The following TLK1 variants were observed in gnomAD, a reference collection of about 807,000 sequenced individuals.
TLK1 encodes tousled like kinase 1.
In TLK1, 24 loss-of-function variants were observed where a neutral mutation model predicts 105.3. That is an observed-to-expected ratio of 0.23 (90% CI 0.17 to 0.32). The LOEUF is 0.32. Ranked by LOEUF, TLK1 falls within the 10% of genes least tolerant of loss-of-function variation. TLK1 has a pLI of 1.00. For missense variants in TLK1, 558 were observed against 910.5 expected (o/e 0.61, Z 4.98); for synonymous variants, 321 against 310.4 (o/e 1.03, Z -0.36).
At chr2:171,051,061 G>A (rs2676131) in intron 8 of TLK1, among the ~76,000 whole-genome samples, 93,521 of 152,000 alleles carry the variant, frequency 0.62, 29,679 homozygotes, top group East Asian at 0.95. Context: ...ACCCAACACA[G>A]TTGTTTTTCA....
intron 1 of TLK1, among the ~76,000 whole-genome samples, chr2:171,187,432 A>G (rs1236787327): frequency 6.6e-6 from 1 of 152,216 alleles, no homozygotes; most frequent in Non-Finnish European, 1.5e-5. Context: ...TTAACATTCT[A>G]TGACTCAATA....
chr2:171,078,495 G>A (rs564209261), intron 3 of TLK1, among the ~76,000 whole-genome samples: 6 of 151,860 alleles, frequency 4.0e-5, no homozygotes, highest in Admixed American at 2.0e-4. Context: ...CTGAGATCAC[G>A]CCACTGCACT....
chr2:171,168,910 G>C (rs951744076), intron 1 of TLK1, among the ~76,000 whole-genome samples: 1 of 151,978 alleles, frequency 6.6e-6, no homozygotes, highest in African/African-American at 2.4e-5. Context: ...GTGAAACCTC[G>C]TCTCTGCAAC....
chr2:171,128,998 G>A (rs547677455), intron 1 of TLK1, among the ~76,000 whole-genome samples: 13 of 152,236 alleles, frequency 8.5e-5, no homozygotes, highest in East Asian at 1.9e-4. Flanking sequence ...GTGTGTGCAC[G>A]TGTCCGTGTC....
At chr2:171,098,649 G>A (rs773029080) in intron 2 of TLK1, among the ~76,000 whole-genome samples, 8 of 152,014 alleles carry the variant, frequency 5.3e-5, no homozygotes, top group Non-Finnish European at 1.0e-4. Flanking sequence ...ACCTGATAGT[G>A]AAACCAGATA....
At position 171,009,428 on chromosome 2, in the gene TLK1, C is replaced by T. The variant is rs528137111; in HGVS notation, c.1416+1945G>A. Among the ~76,000 whole-genome samples, 6 of 151,202 alleles carry T rather than the reference C, an allele frequency of 4.0e-5. No homozygotes were observed. The South Asian group carries it at 1.3e-3, about 32-fold the overall frequency. On this transcript the variant is annotated intron_variant, in intron 14 of 20. Transcript: ENST00000431350. ...CAAGCGATTATCATGCCTCAGCCTC[C>T]GAGTAGCTGGAACTACAGGCATGTG... is the stretch of plus-strand genomic sequence containing the variant.
intron 2 of TLK1, among the ~76,000 whole-genome samples, chr2:171,083,177 A>G (rs1281192658): frequency 6.6e-6 from 1 of 152,162 alleles, no homozygotes; most frequent in Non-Finnish European, 1.5e-5. Flanking sequence ...TTATTACTCA[A>G]TGTATTAAAA....
rs551167937 is a variant in TLK1 at position 171,067,408 on chromosome 2, G to A, written c.331-6252C>T. Among the ~76,000 whole-genome samples the A allele has an allele frequency of 1.6e-4, 24 of 151,778 alleles. No homozygotes were observed. In the East Asian group the frequency reaches 3.5e-3, roughly 22 times the overall value. On this transcript the variant is annotated intron_variant, in intron 3 of 20. Coordinates refer to ENST00000431350, the MANE Select transcript of TLK1 (RefSeq NM_012290.5). The stretch of plus-strand genomic sequence containing the variant: ...GATCTCTTGACCTTGTGATCCACCC[G>A]CCTCGGCCTCCCAAAGTGCTGGGAC...
intron 2 of TLK1, among the ~76,000 whole-genome samples, chr2:171,116,384 C>A (rs534813123): frequency 6.6e-6 from 1 of 152,224 alleles, no homozygotes; most frequent in Admixed American, 6.5e-5. Context: ...AGACTCCCAA[C>A]AACCTAACAA....
chr2:171,047,462 T>C (rs1362167410), intron 10 of TLK1, among the ~76,000 whole-genome samples: 4 of 152,150 alleles, frequency 2.6e-5, no homozygotes, highest in African/African-American at 9.7e-5. Flanking sequence ...GAATTGACCT[T>C]ACACACATCC....
At chr2:171,180,880 T>C (rs59083018) in intron 1 of TLK1, among the ~76,000 whole-genome samples, 6,762 of 151,722 alleles carry the variant, frequency 0.045, 442 homozygotes, top group East Asian at 0.29. Flanking sequence ...GAAGATGACT[T>C]TTCATGAGAA....
chr2:171,151,631 C>A (rs1212830758), intron 1 of TLK1, among the ~76,000 whole-genome samples: 5 of 151,782 alleles, frequency 3.3e-5, no homozygotes, highest in Non-Finnish European at 7.4e-5. Flanking sequence ...CCCACCACCA[C>A]GCCCAGCTAA....
At chr2:171,148,630 C>G (rs1267738769) in intron 1 of TLK1, among the ~76,000 whole-genome samples, 1 of 152,000 alleles carries the variant, frequency 6.6e-6, no homozygotes, top group Admixed American at 6.6e-5. Flanking sequence ...CACCTGGAAT[C>G]CCAGCACTTT....
intron 3 of TLK1, among the ~76,000 whole-genome samples, chr2:171,076,995 G>A (rs1266584118): frequency 1.3e-5 from 2 of 151,988 alleles, no homozygotes; most frequent in African/African-American, 4.8e-5. Context: ...AAATAATGTG[G>A]GCTGTTAGCC....
intron 1 of TLK1, among the ~76,000 whole-genome samples, chr2:171,182,935 A>AAAAAGGAAG (rs1553487148): frequency 1.6e-5 from 2 of 128,780 alleles, no homozygotes; most frequent in African/African-American, 7.3e-5. Context: ...AAAAAAAAAA[A>AAAAAGGAAG]AAAGAAAGAA....
intron 1 of TLK1, among the ~76,000 whole-genome samples, chr2:171,196,037 C>CAA (rs71013021): frequency 0.76 from 85,094 of 111,878 alleles, 34,073 homozygotes; most frequent in East Asian, 0.97. Flanking sequence ...GACTCTGTAT[C>CAA]AAAAAAAAAA....
At chr2:171,145,713 T>C (rs565585566) in intron 1 of TLK1, among the ~76,000 whole-genome samples, 2 of 152,294 alleles carry the variant, frequency 1.3e-5, no homozygotes, top group South Asian at 4.1e-4. Flanking sequence ...AAGTATAAAA[T>C]GTAGTACATT....
At chr2:171,182,173 CT>C (rs1336637918) in intron 1 of TLK1, among the ~76,000 whole-genome samples, 4 of 152,154 alleles carry the variant, frequency 2.6e-5, no homozygotes, top group South Asian at 4.1e-4. Flanking sequence ...TAGAAAATCA[CT>C]TTTTGGCAAT....
chr2:171,052,387 C>A (rs528800336), intron 8 of TLK1, among the ~76,000 whole-genome samples: 37 of 152,296 alleles, frequency 2.4e-4, no homozygotes, highest in African/African-American at 8.9e-4. Flanking sequence ...CAGAAAAATT[C>A]TTTCATATGT....
Sources: gnomAD v4.1 joint callset for allele counts (sites outside exome capture counted in the v4.1 genomes callset) on GRCh38, gnomAD v4.1.1 for gene constraint, MANE v1.5 for transcripts, NCBI Gene and HGNC (gene_info 2026-07-23, HGNC 2026-07-21) for gene names.